ALOX5AP: variants seen among roughly 807,000 people sequenced by gnomAD.
The protein encoded by ALOX5AP is arachidonate 5-lipoxygenase-activating protein.
ALOX5AP carries 9 observed loss-of-function variants against 18.5 expected under a neutral mutation model. That is an observed-to-expected ratio of 0.49 (90% CI 0.29 to 0.85). The LOEUF is 0.85. Ranked by LOEUF, ALOX5AP falls within the 40% of genes least tolerant of loss-of-function variation. ALOX5AP has a pLI of 0.08. For synonymous variants in ALOX5AP, 81 were observed against 78.6 expected (o/e 1.03, Z -0.16); for missense variants, 172 against 202.5 (o/e 0.85, Z 0.91).
At chr13:30,757,474 T>A (rs557422779) in intron 4 of ALOX5AP, among the ~76,000 whole-genome samples, 1 of 152,348 alleles carries the variant, frequency 6.6e-6, no homozygotes, top group South Asian at 2.1e-4. Context: ...AACACTGCCC[T>A]AAATGATATT....
At chr13:30,743,372 C>T (rs549748180) in intron 1 of ALOX5AP, among the ~76,000 whole-genome samples, 1 of 152,194 alleles carries the variant, frequency 6.6e-6, no homozygotes, top group Admixed American at 6.5e-5. Context: ...TTCCTCAAAC[C>T]AAGGCTCTTT....
rs148736149 is a variant in ALOX5AP, at chr13:30,743,853, C to G, written c.71-207C>G. Among the ~76,000 whole-genome samples, 160 of 152,168 alleles carry G rather than the reference C, an allele frequency of 1.1e-3. 2 individuals carry two copies. The highest frequency in any genetic ancestry group is 3.7e-3 in the African/African-American group (154 of 41,512). On this transcript the variant is annotated intron_variant, in intron 1 of 4. Coordinates refer to ENST00000380490, the MANE Select transcript of ALOX5AP (RefSeq NM_001629.4). ...CCTAGAAAGTGGGGGCCGTGCCTTG[C>G]TCATGACTGTGTTTCTAACACCAAA... is the stretch of plus-strand genomic sequence containing the variant.
At chr13:30,755,352 G>T (rs1445657567) in intron 3 of ALOX5AP, among the ~76,000 whole-genome samples, 1 of 152,210 alleles carries the variant, frequency 6.6e-6, no homozygotes, top group African/African-American at 2.4e-5. Context: ...TCAGAGCTGG[G>T]TTTGGGGTTT....
In ALOX5AP at chr13:30,715,189, G is replaced by C. The variant is rs539385284; in HGVS notation, c.116+1348G>C. On this transcript the variant is annotated intron_variant, in intron 1 of 5. Transcript: ENST00000617770. ...AGAACCGGGCTTTAACTTGTCACAT[G>C]ACTATGGCCAAGTTCCTGGGGCTCT... 9.2e-5 allele frequency among the ~76,000 whole-genome samples: 14 copies of C among 152,280 alleles called. No homozygotes were observed. The South Asian group carries it at 2.1e-3, about 23-fold the overall frequency.
At chr13:30,761,351 C>G (rs895879826) in intron 4 of ALOX5AP, among the ~76,000 whole-genome samples, 1 of 152,240 alleles carries the variant, frequency 6.6e-6, no homozygotes, top group Non-Finnish European at 1.5e-5. Flanking sequence ...TTTTTCACTT[C>G]GGTTTTATCT....
intron 4 of ALOX5AP, among the ~76,000 whole-genome samples, chr13:30,757,150 C>T (rs529140076): frequency 3.3e-5 from 5 of 152,244 alleles, no homozygotes; most frequent in East Asian, 3.9e-4. Flanking sequence ...TGTTCACAGC[C>T]GCTCTGTCTT....
intron 1 of ALOX5AP, among the ~76,000 whole-genome samples, chr13:30,721,016 C>T (rs1480980762): frequency 3.9e-5 from 6 of 152,154 alleles, no homozygotes; most frequent in Non-Finnish European, 8.8e-5. Context: ...TAACCTATAT[C>T]TGGGGACCCC....
At chr13:30,762,923 AG>A (rs1951954098) in intron 4 of ALOX5AP, among the ~76,000 whole-genome samples, 1 of 152,236 alleles carries the variant, frequency 6.6e-6, no homozygotes, top group Non-Finnish European at 1.5e-5. Context: ...GGGCAGAAAC[AG>A]GGTGGCCTCT....
chr13:30,720,158 C>T (rs771196662), intron 1 of ALOX5AP, among the ~76,000 whole-genome samples: 6 of 152,204 alleles, frequency 3.9e-5, no homozygotes, highest in African/African-American at 1.4e-4. Flanking sequence ...CCGCGCCCGG[C>T]CTCTAGAGGA....
At chr13:30,743,620 C>T (rs1173878331) in intron 1 of ALOX5AP, among the ~76,000 whole-genome samples, 4 of 151,902 alleles carry the variant, frequency 2.6e-5, no homozygotes, top group Non-Finnish European at 5.9e-5. Flanking sequence ...GCCCCTCTCC[C>T]TCCGTCTGCT....
intron 1 of ALOX5AP, among the ~76,000 whole-genome samples, chr13:30,739,442 T>A (rs947469103): frequency 6.6e-6 from 1 of 152,204 alleles, no homozygotes; most frequent in Non-Finnish European, 1.5e-5. Flanking sequence ...TATATATTAT[T>A]ATTGTTATTT....
chr13:30,717,024 C>T (rs1396926310), intron 1 of ALOX5AP, among the ~76,000 whole-genome samples: 2 of 152,162 alleles, frequency 1.3e-5, no homozygotes, highest in Non-Finnish European at 2.9e-5. Flanking sequence ...TTTACTGTGG[C>T]TCTGTCACAT....
intron 2 of ALOX5AP, among the ~76,000 whole-genome samples, chr13:30,744,765 G>A (rs908778675): frequency 1.3e-5 from 2 of 152,154 alleles, no homozygotes; most frequent in South Asian, 2.1e-4. Context: ...CAATCTATTC[G>A]GGATGCAAAT....
upstream of ALOX5AP, among the ~76,000 whole-genome samples, chr13:30,732,822 G>T (rs1406063804): frequency 6.6e-6 from 1 of 152,056 alleles, no homozygotes; most frequent in Non-Finnish European, 1.5e-5. Flanking sequence ...GACAGAGGTA[G>T]AGAGAAGGGA....
Position 30,756,029 on chromosome 13 carries a change from G to A in ALOX5AP, c.323+4G>A, listed in dbSNP as rs775940117. 36 of 1,613,470 alleles carry A rather than the reference G, an allele frequency of 2.2e-5. No homozygotes were observed. In the Admixed American group the frequency reaches 5.2e-4, roughly 23 times the overall value. On this transcript the variant is annotated splice_donor_region_variant and intron_variant, in intron 4 of 4. Transcript: ENST00000380490. ...ACCTAGGAGAGAGAACGCAGAGGTA[G>A]GTAACTGGGACTACTAAAGAACTGT...
At chr13:30,744,284 G>T (rs1321313647) in intron 2 of ALOX5AP, 125 bp downstream of exon 2, 1 of 816,776 alleles carries the variant, frequency 1.2e-6, no homozygotes, top group Admixed American at 2.2e-5. Context: ...CCAGGGAGGT[G>T]AGGAAGGTTG....
upstream of ALOX5AP, among the ~76,000 whole-genome samples, chr13:30,732,865 A>G (rs763180339): frequency 2.8e-4 from 43 of 151,946 alleles, no homozygotes; most frequent in Non-Finnish European, 5.6e-4. Context: ...AGAGAGAGAA[A>G]AAAGAGGGGG....
intron 1 of ALOX5AP, among the ~76,000 whole-genome samples, chr13:30,740,193 T>G (rs1951751885): frequency 1.3e-5 from 2 of 152,236 alleles, no homozygotes; most frequent in South Asian, 4.1e-4. Flanking sequence ...GTTAGAATAA[T>G]CTACGTATGA....
chr13:30,714,102 G>A (rs1471858102), intron 1 of ALOX5AP, among the ~76,000 whole-genome samples: 4 of 151,290 alleles, frequency 2.6e-5, no homozygotes, highest in African/African-American at 9.7e-5. Context: ...TCTCTGCCTT[G>A]CATTAAATAA....
Sources: allele counts gnomAD v4.1 joint callset (sites outside exome capture counted in the v4.1 genomes callset), GRCh38; gene constraint gnomAD v4.1.1; transcripts MANE v1.5; gene names NCBI Gene and HGNC (gene_info 2026-07-23, HGNC 2026-07-21).